The following MAEL variants were observed in gnomAD, a reference collection of about 807,000 sequenced individuals.
The protein encoded by MAEL is protein maelstrom homolog.
A neutral mutation model predicts 62.0 loss-of-function variants in MAEL; 46 were observed. The observed-to-expected ratio is 0.74, with a 90% CI of 0.59 to 0.95. The LOEUF is 0.95. Among genes scored for constraint, MAEL ranks in the 40% least tolerant of loss-of-function variants. MAEL has a pLI of 0.00. For synonymous variants in MAEL, 172 were observed against 175.5 expected, an observed-to-expected ratio of 0.98 and a Z score of 0.16; for missense variants, 497 against 526.8, an observed-to-expected ratio of 0.94 and a Z score of 0.55.
intron 9 of MAEL, 29 bp downstream of exon 9, chr1:167,016,313 A>G (rs1665386767): frequency 1.8e-5 from 29 of 1,597,464 alleles, no homozygotes; most frequent in Non-Finnish European, 2.5e-5. Flanking sequence ...TTTCTTCATA[A>G]TACTGTATTC....
intron 8 of MAEL, 172 bp downstream of exon 8, chr1:167,005,569 A>T (rs1208195491): frequency 6.8e-5 from 37 of 541,788 alleles, no homozygotes; most frequent in Non-Finnish European, 1.1e-4. Context: ...TTACTTGTGT[A>T]TCACTAAAAA....
At chr1:167,020,745 A>G (rs1033443976) in intron 10 of MAEL, among the ~76,000 whole-genome samples, 2 of 152,068 alleles carry the variant, frequency 1.3e-5, no homozygotes, top group African/African-American at 4.8e-5. Context: ...GTCTGCTTGT[A>G]TATTAGATTT....
intron 4 of MAEL, among the ~76,000 whole-genome samples, chr1:166,993,554 A>T (rs1267263132): frequency 1.3e-5 from 2 of 152,232 alleles, no homozygotes; most frequent in African/African-American, 4.8e-5. Context: ...CCTCATTTTT[A>T]GATGACAGAA....
At chr1:167,006,617 A>T (rs1246521696) in intron 8 of MAEL, among the ~76,000 whole-genome samples, 1 of 76,318 alleles carries the variant, frequency 1.3e-5, no homozygotes, top group African/African-American at 5.6e-5. Context: ...ATATATATAT[A>T]TATATATATA....
At chr1:166,975,768 G>A (rs963734474) in intron 1 of MAEL, 2 of 152,090 alleles carry the variant, frequency 1.3e-5, no homozygotes, top group African/African-American at 4.8e-5. Flanking sequence ...GCCGAGCGGG[G>A]AGCGACCATC....
At position 166,989,607 on chromosome 1, in the gene MAEL, C is replaced by A. The variant is rs1664070850; in HGVS notation, c.132+123C>A. On this transcript the variant is annotated intron_variant, in intron 1 of 11. Coordinates refer to ENST00000367872, the MANE Select transcript of MAEL (RefSeq NM_032858.3). ...GGCCCTGCCAGAGGAAGAGGAAGGC[C>A]CCCGTTTGTGGCCCTGGGCAAACCG... is the stretch of plus-strand genomic sequence containing the variant. 6.8e-6 allele frequency: 10 copies of A among 1,476,616 alleles called. No homozygotes were observed. The South Asian group carries it at 1.3e-4, about 19-fold the overall frequency. 91.5% of individuals were successfully genotyped at this position (1,476,616 alleles called of 1,614,324 possible).
At chr1:166,977,839 TAC>T (rs2102054712) in intron 1 of MAEL, among the ~76,000 whole-genome samples, 1 of 152,258 alleles carries the variant, frequency 6.6e-6, no homozygotes, top group South Asian at 2.1e-4. Flanking sequence ...TAGTCCCAGC[TAC>T]TCTGGAGGCT....
upstream of MAEL, among the ~76,000 whole-genome samples, chr1:166,985,113 C>T (rs1663874141): frequency 6.6e-6 from 1 of 152,032 alleles, no homozygotes; most frequent in Non-Finnish European, 1.5e-5. Flanking sequence ...ATGAGTAACC[C>T]CTGAAAGAAC....
At chr1:167,011,777 A>G (rs982342658) in intron 8 of MAEL, among the ~76,000 whole-genome samples, 2 of 152,184 alleles carry the variant, frequency 1.3e-5, no homozygotes, top group Non-Finnish European at 1.5e-5. Context: ...AATGGCAACT[A>G]TTTCTAGACT....
upstream of MAEL, among the ~76,000 whole-genome samples, chr1:166,987,657 GAGAT>G (rs760253612): frequency 8.5e-5 from 13 of 152,270 alleles, no homozygotes; most frequent in Middle Eastern, 3.4e-3. Context: ...AAATCTAAAT[GAGAT>G]AGACACTTTT....
At chr1:166,986,281 G>T (rs558453175), upstream of MAEL, among the ~76,000 whole-genome samples, 2 of 152,180 alleles carry the variant, frequency 1.3e-5, no homozygotes, top group Admixed American at 1.3e-4. Flanking sequence ...AGGTGTACAC[G>T]TAAGTTTAAA....
rs761587386 is a variant in MAEL, at chr1:166,994,024, A to G, written c.482-4A>G. On this transcript the variant is annotated splice_polypyrimidine_tract_variant and splice_region_variant and intron_variant, in intron 4 of 11. Coordinates refer to ENST00000367872, the MANE Select transcript of MAEL (RefSeq NM_032858.3). ...GCTTCTCAACAAGATATTTTGTATT[A>G]TAGGTGAAATTCCACGAGGATTTCG... 15 of 1,612,520 alleles carry G rather than the reference A, an allele frequency of 9.3e-6. No individual in the cohort carries two copies. The highest frequency in any genetic ancestry group is 6.7e-5 in the Admixed American group (4 of 59,940).
intron 1 of MAEL, among the ~76,000 whole-genome samples, chr1:166,979,316 T>C (rs1355614584): frequency 6.6e-6 from 1 of 152,024 alleles, no homozygotes; most frequent in Non-Finnish European, 1.5e-5. Flanking sequence ...TTTGTTATCT[T>C]TCCCATCCTC....
chr1:167,009,164 A>G (rs1311639227), intron 8 of MAEL, among the ~76,000 whole-genome samples: 2 of 152,082 alleles, frequency 1.3e-5, no homozygotes, highest in Non-Finnish European at 2.9e-5. Flanking sequence ...TCTGTGTTTC[A>G]TTGCATTTCC....
intron 2 of MAEL, chr1:166,990,447 GA>G (rs1033769027): frequency 1.3e-5 from 2 of 152,166 alleles, no homozygotes; most frequent in African/African-American, 4.8e-5. Context: ...TTGAGGTCAG[GA>G]GTTTGAGACC....
intron 1 of MAEL, among the ~76,000 whole-genome samples, chr1:166,983,220 A>T (rs930290169): frequency 2.0e-5 from 3 of 152,168 alleles, no homozygotes; most frequent in African/African-American, 7.2e-5. Context: ...TATCTATTGA[A>T]TAAATGAACC....
intron 5 of MAEL, among the ~76,000 whole-genome samples, chr1:166,999,947 T>A (rs1243241101): frequency 6.6e-6 from 1 of 152,118 alleles, no homozygotes; most frequent in African/African-American, 2.4e-5. Flanking sequence ...TTAAGAACAC[T>A]GTTGAAATCT....
upstream of MAEL, chr1:166,989,139 C>T (rs1664028781): frequency 7.6e-6 from 5 of 654,346 alleles, no homozygotes; most frequent in South Asian, 9.9e-5. Flanking sequence ...CGGCGCTCTC[C>T]CCCCACCTCA....
intron 5 of MAEL, among the ~76,000 whole-genome samples, chr1:167,003,759 A>G (rs1664775233): frequency 6.6e-6 from 1 of 151,968 alleles, no homozygotes; most frequent in South Asian, 2.1e-4. Context: ...TCTTTTTTTC[A>G]TGTGAAGTGG....
Sources: allele counts gnomAD v4.1 joint callset (sites outside exome capture counted in the v4.1 genomes callset), GRCh38; gene constraint gnomAD v4.1.1; transcripts MANE v1.5; gene names NCBI Gene and HGNC (gene_info 2026-07-23, HGNC 2026-07-21).